OSBPL6: variants seen among roughly 807,000 people sequenced by gnomAD.
OSBPL6 encodes oxysterol-binding protein-related protein 6.
A neutral mutation model predicts 125.8 loss-of-function variants in OSBPL6; 49 were observed. The ratio of observed to expected loss-of-function variants is 0.39; its 90% confidence interval spans 0.31 to 0.49. OSBPL6 has a LOEUF of 0.49. Among genes scored for constraint, OSBPL6 ranks in the 20% least tolerant of loss-of-function variants. OSBPL6 has a pLI of 0.88. For missense variants in OSBPL6, 986 were observed against 1,135.4 expected (o/e 0.87, Z 1.89); for synonymous variants, 394 against 391.8 (o/e 1.01, Z -0.07).
At position 178,306,280 on chromosome 2, in the gene OSBPL6, TAGGC is replaced by T; in HGVS notation, c.100_102+1del. 4 of 1,605,492 alleles carry T rather than the reference TAGGC, an allele frequency of 2.5e-6. No individual in the cohort carries two copies. The highest frequency in any genetic ancestry group is 3.4e-6 in the Non-Finnish European group (4 of 1,172,220). On this transcript the variant is annotated frameshift_variant and splice_region_variant, in exon 3 of 25. Transcript: ENST00000190611. LOFTEE classifies it high-confidence loss of function. ...CTTCAACATCCTCCCAAAGGGACAGTAGGCAGGTAAGAGAAGAGCATTAAGTGCC... is the reference window on the plus strand; with the variant it reads ...CTTCAACATCCTCCCAAAGGGACAGTAGGTAAGAGAAGAGCATTAAGTGCC...
chr2:178,210,822 AAAC>A (rs1319374398), intron 1 of OSBPL6, among the ~76,000 whole-genome samples: 39 of 122,388 alleles, frequency 3.2e-4, no homozygotes, highest in Middle Eastern at 4.6e-3. Context: ...CAAAAAAAAA[AAAC>A]ACACACACAC....
chr2:178,259,199 C>A (rs2154013095), intron 1 of OSBPL6, among the ~76,000 whole-genome samples: 1 of 152,232 alleles, frequency 6.6e-6, no homozygotes, highest in African/African-American at 2.4e-5. Context: ...CTTCCTGCCC[C>A]CTATTTTCCC....
At chr2:178,243,601 T>C (rs1213251256) in intron 1 of OSBPL6, among the ~76,000 whole-genome samples, 1 of 152,188 alleles carries the variant, frequency 6.6e-6, no homozygotes, top group Non-Finnish European at 1.5e-5. Flanking sequence ...CTCCCAACTC[T>C]ATTGCCATAG....
At position 178,389,054 on chromosome 2, in the gene OSBPL6, C is replaced by T; in HGVS notation, c.2202C>T (p.His734=). The change falls in exon 21 of 25, where the codon CAC becomes CAT. Residue 734 remains histidine, a synonymous_variant. Transcript: ENST00000190611. ...GGAATAAAGTCACCACTTGCATACA[C>T]AACATCCTCAGTGGGAGAAGATGGA... ...YVWNKVTTCI[H]NILSGRRWIE... is the part of the protein sequence containing the mutation. The T allele has an allele frequency of 1.2e-6, 2 of 1,613,926 alleles. No homozygotes were observed. The highest frequency in any genetic ancestry group is 8.5e-7 in the Non-Finnish European group (1 of 1,179,902).
chr2:178,343,393 GA>G (rs879492875), intron 11 of OSBPL6, among the ~76,000 whole-genome samples: 7 of 146,282 alleles, frequency 4.8e-5, no homozygotes, highest in Middle Eastern at 3.5e-3. Context: ...TCTCAAAAAA[GA>G]AAAAAAAAAG....
At chr2:178,381,819 A>G (rs751056206) in intron 15 of OSBPL6, among the ~76,000 whole-genome samples, 8 of 152,140 alleles carry the variant, frequency 5.3e-5, no homozygotes, top group African/African-American at 1.2e-4. Flanking sequence ...TTTTGTTGGC[A>G]TGAAAAGCCC....
intron 15 of OSBPL6, 135 bp from the exon 16 acceptor site, chr2:178,382,285 A>T (rs1352770510): frequency 1.8e-6 from 2 of 1,106,192 alleles, no homozygotes; most frequent in Admixed American, 6.2e-5. Flanking sequence ...TTCATTGCAC[A>T]TATGTCAAAT....
chr2:178,374,762 A>G (rs1241337791), intron 15 of OSBPL6, among the ~76,000 whole-genome samples: 2 of 152,248 alleles, frequency 1.3e-5, no homozygotes, highest in African/African-American at 4.8e-5. Context: ...TCATTGCTAA[A>G]CATTATTTCC....
At chr2:178,279,450 G>A (rs1259934387) in intron 1 of OSBPL6, among the ~76,000 whole-genome samples, 1 of 152,190 alleles carries the variant, frequency 6.6e-6, no homozygotes, top group Non-Finnish European at 1.5e-5. Context: ...TTCCAGAGAC[G>A]CCCACTGGCT....
chr2:178,279,866 A>T (rs1683963398), intron 1 of OSBPL6, among the ~76,000 whole-genome samples: 1 of 152,180 alleles, frequency 6.6e-6, no homozygotes, highest in South Asian at 2.1e-4. Flanking sequence ...CATGCAGTTT[A>T]TGTGCAAGGT....
chr2:178,377,348 A>C (rs1693974242), intron 15 of OSBPL6, among the ~76,000 whole-genome samples: 1 of 152,228 alleles, frequency 6.6e-6, no homozygotes, highest in Non-Finnish European at 1.5e-5. Flanking sequence ...ACTCACGATC[A>C]GGAAGACAGT....
At chr2:178,372,305 T>C (rs1241289548) in intron 14 of OSBPL6, 72 bp downstream of exon 14, 3 of 1,091,364 alleles carry the variant, frequency 2.7e-6, no homozygotes, top group Non-Finnish European at 4.0e-6. Flanking sequence ...TTTTTGTTTA[T>C]TTATATCCAG....
chr2:178,285,214 C>T, intron 2 of OSBPL6, 93 bp downstream of exon 2: 2 of 395,934 alleles, frequency 5.1e-6, no homozygotes, highest in Non-Finnish European at 8.9e-6. Context: ...ACCACAAAGT[C>T]ACAGGAAGGT....
At chr2:178,259,297 T>A (rs185786368) in intron 1 of OSBPL6, among the ~76,000 whole-genome samples, 1 of 152,300 alleles carries the variant, frequency 6.6e-6, no homozygotes, top group African/African-American at 2.4e-5. Flanking sequence ...GGTCTTTTGA[T>A]CAAATTCCGT....
intron 1 of OSBPL6, among the ~76,000 whole-genome samples, chr2:178,255,630 A>C (rs2091860430): frequency 6.6e-6 from 1 of 152,226 alleles, no homozygotes; most frequent in African/African-American, 2.4e-5. Flanking sequence ...TGGGTACTGC[A>C]GAGCTGGTCT....
At chr2:178,392,692 T>TA (rs139747569) in intron 23 of OSBPL6, among the ~76,000 whole-genome samples, 154 bp downstream of exon 23, 9 of 150,488 alleles carry the variant, frequency 6.0e-5, no homozygotes, top group South Asian at 4.2e-4. Context: ...TCTATATCTC[T>TA]AAAAAAAAAG....
intron 16 of OSBPL6, 54 bp downstream of exon 16, chr2:178,382,561 C>G (rs559517872): frequency 3.1e-6 from 5 of 1,610,358 alleles, no homozygotes; most frequent in Non-Finnish European, 4.2e-6. Flanking sequence ...AATTGCAACA[C>G]GAAGACTTAA....
rs540460303 is a variant in OSBPL6 at position 178,306,183 on chromosome 2, C to T, written c.-2C>T. 6 of 1,602,998 alleles carry T rather than the reference C, an allele frequency of 3.7e-6. No homozygotes were observed. The African/African-American group carries it at 4.0e-5, about 11-fold the overall frequency. The stretch of plus-strand genomic sequence containing the variant: ...GCATAAAACGAGACTCTAACTGCAG[C>T]GATGAGTTCAGATGAGAAGGGCATT... On this transcript the variant is annotated 5_prime_UTR_variant, in exon 3 of 25. Coordinates refer to ENST00000190611, the MANE Select transcript of OSBPL6 (RefSeq NM_032523.4).
chr2:178,326,733 T>A (rs185196159), intron 4 of OSBPL6, among the ~76,000 whole-genome samples: 13 of 152,350 alleles, frequency 8.5e-5, no homozygotes, highest in Admixed American at 2.0e-4. Context: ...CTTTTGCCTC[T>A]GTCAGGTTGA....
Sources: allele counts gnomAD v4.1 joint callset (sites outside exome capture counted in the v4.1 genomes callset), GRCh38; gene constraint gnomAD v4.1.1; transcripts MANE v1.5; gene names NCBI Gene and HGNC (gene_info 2026-07-23, HGNC 2026-07-21).